Variants in CAMTA1 observed in about 807,000 individuals in gnomAD.
The protein encoded by CAMTA1 is calmodulin binding transcription activator 1.
Under a neutral mutation model 170.9 loss-of-function variants are expected in CAMTA1, and 27 were observed. The observed-to-expected ratio is 0.16, with a 90% CI of 0.12 to 0.22. The LOEUF is 0.22. Among genes scored for constraint, CAMTA1 ranks in the 10% least tolerant of loss-of-function variants. The probability of loss-of-function intolerance (pLI) is 1.00; values close to 1 mark genes in which losing one functional copy is unlikely to be tolerated. For synonymous variants in CAMTA1, 833 were observed against 891.5 expected (o/e 0.93, Z 1.17); for missense variants, 1,619 against 2,217.2 (o/e 0.73, Z 5.42).
At chr1:7,263,501 A>G (rs1432939301) in intron 5 of CAMTA1, among the ~76,000 whole-genome samples, 1 of 152,208 alleles carries the variant, frequency 6.6e-6, no homozygotes, top group Non-Finnish European at 1.5e-5. Context: ...TTGTTTTTAC[A>G]TGATTAAGGG....
rs543561308 is a variant in CAMTA1 at position 7,480,259 on chromosome 1, G to A, written c.510+12358G>A. The stretch of plus-strand genomic sequence containing the variant: ...CATGTGTCCGTGTGTGTGCATGTGT[G>A]TATGTGTGTGAGTGCATCTGTGTAT... On this transcript the variant is annotated intron_variant, in intron 6 of 22. Coordinates refer to ENST00000303635, the MANE Select transcript of CAMTA1 (RefSeq NM_015215.4). Among the ~76,000 whole-genome samples the A allele has an allele frequency of 2.0e-3, 267 of 135,458 alleles. 3 individuals carry two copies. The East Asian group carries it at 0.032, about 16-fold the overall frequency. 88.9% of individuals were successfully genotyped at this position (135,458 alleles called of 152,430 possible).
At chr1:7,697,653 G>C (rs1489300173) in intron 11 of CAMTA1, among the ~76,000 whole-genome samples, 1 of 152,230 alleles carries the variant, frequency 6.6e-6, no homozygotes, top group African/African-American at 2.4e-5. Context: ...GTGTCAGCCA[G>C]CAGGGAGAAT....
At chr1:7,556,267 G>A (rs1487017589) in intron 6 of CAMTA1, among the ~76,000 whole-genome samples, 2 of 152,142 alleles carry the variant, frequency 1.3e-5, no homozygotes, top group African/African-American at 2.4e-5. Flanking sequence ...GAGGTTGTGG[G>A]GTATGGGCTC....
intron 5 of CAMTA1, among the ~76,000 whole-genome samples, chr1:7,258,568 G>A (rs1018433787): frequency 6.6e-6 from 1 of 152,202 alleles, no homozygotes; most frequent in Non-Finnish European, 1.5e-5. Context: ...CAACCTGGAT[G>A]TTTGCAAGCA....
intron 3 of CAMTA1, among the ~76,000 whole-genome samples, chr1:6,985,056 G>T (rs1435793391): frequency 6.6e-6 from 1 of 152,208 alleles, no homozygotes; most frequent in Non-Finnish European, 1.5e-5. Context: ...TGACTGCCTG[G>T]CCAGATGCCT....
At chr1:6,851,974 A>G (rs1016235282) in intron 3 of CAMTA1, among the ~76,000 whole-genome samples, 16 of 151,818 alleles carry the variant, frequency 1.1e-4, no homozygotes, top group Admixed American at 9.2e-4. Context: ...AGATCCCACC[A>G]AAGTACTCCA....
intron 5 of CAMTA1, among the ~76,000 whole-genome samples, chr1:7,363,815 A>G (rs558028941): frequency 6.6e-6 from 1 of 152,276 alleles, no homozygotes; most frequent in East Asian, 1.9e-4. Flanking sequence ...TGTTTCTCCA[A>G]TAAGCATTTG....
intron 3 of CAMTA1, among the ~76,000 whole-genome samples, chr1:6,862,387 T>C (rs144137232): frequency 8.1e-4 from 124 of 152,380 alleles, no homozygotes; most frequent in African/African-American, 2.8e-3. Flanking sequence ...GAATTCGTTA[T>C]GTGCACACCA....
chr1:6,908,134 C>G (rs1457279231), intron 3 of CAMTA1, among the ~76,000 whole-genome samples: 3 of 152,224 alleles, frequency 2.0e-5, no homozygotes, highest in African/African-American at 4.8e-5. Flanking sequence ...TTGCTCGTCA[C>G]CCTTTATGAA....
chr1:7,265,088 ACTT>A (rs1011761959), intron 5 of CAMTA1, among the ~76,000 whole-genome samples: 13 of 152,044 alleles, frequency 8.6e-5, no homozygotes, highest in African/African-American at 3.1e-4. Flanking sequence ...CTGCTGCAGA[ACTT>A]CTCAGGCAGC....
Position 6,887,678 on chromosome 1 carries a change from G to C in CAMTA1, c.234+62468G>C. The C allele has an allele frequency of 2.0e-6, 3 of 1,535,224 alleles. No homozygotes were observed. Among genetic ancestry groups the C allele is most frequent in the Non-Finnish European group, 2.6e-6 (3 of 1,146,608 alleles). ...GGCTCTCACCACACACTTGTTCATG[G>C]GCGCAGCAAAGAAGAGGGATCCACA... is the stretch of plus-strand genomic sequence containing the variant. On this transcript the variant is annotated intron_variant, in intron 3 of 22. Coordinates refer to ENST00000303635, the MANE Select transcript of CAMTA1 (RefSeq NM_015215.4). This position sits in a 1 kb window ranked among gnomAD's most constrained non-coding sequence, Gnocchi z 4.1.
At chr1:6,949,402 A>T (rs949884723) in intron 3 of CAMTA1, among the ~76,000 whole-genome samples, 11 of 152,038 alleles carry the variant, frequency 7.2e-5, no homozygotes, top group African/African-American at 2.7e-4. Context: ...CATTCTATAG[A>T]CCCCGTGAAT....
At chr1:7,552,739 G>A (rs1575998440) in intron 6 of CAMTA1, among the ~76,000 whole-genome samples, 1 of 152,244 alleles carries the variant, frequency 6.6e-6, no homozygotes, top group African/African-American at 2.4e-5. Flanking sequence ...CCGCAATGGT[G>A]CACTGCAGCA....
At chr1:6,928,588 C>T (rs1311271843) in intron 3 of CAMTA1, among the ~76,000 whole-genome samples, 1 of 152,178 alleles carries the variant, frequency 6.6e-6, no homozygotes, top group East Asian at 1.9e-4. Flanking sequence ...CAGAGAGCCC[C>T]TTACTTGCAG....
At chr1:7,187,611 T>C (rs939119090) in intron 4 of CAMTA1, among the ~76,000 whole-genome samples, 1 of 152,202 alleles carries the variant, frequency 6.6e-6, no homozygotes, top group African/African-American at 2.4e-5. Flanking sequence ...AAAATGAATA[T>C]AATATTTTTA....
chr1:7,459,425 C>A (rs1214713641), intron 5 of CAMTA1, among the ~76,000 whole-genome samples: 1 of 152,196 alleles, frequency 6.6e-6, no homozygotes, highest in East Asian at 1.9e-4. Flanking sequence ...GGTCCTCCTC[C>A]TGTGCCTTGC....
intron 4 of CAMTA1, among the ~76,000 whole-genome samples, chr1:7,097,244 G>A (rs1642191404): frequency 6.6e-6 from 1 of 152,224 alleles, no homozygotes; most frequent in African/African-American, 2.4e-5. Context: ...AGGTCATGCT[G>A]TCCCTTTTAT....
intron 1 of CAMTA1, among the ~76,000 whole-genome samples, chr1:6,802,390 G>C (rs1643962236): frequency 6.6e-6 from 1 of 152,122 alleles, no homozygotes; most frequent in African/African-American, 2.4e-5. Flanking sequence ...CATAGGCCAG[G>C]TGATCATCTC....
chr1:6,882,627 G>A (rs1671930692), intron 3 of CAMTA1, among the ~76,000 whole-genome samples: 1 of 152,114 alleles, frequency 6.6e-6, no homozygotes, highest in Admixed American at 6.5e-5. Flanking sequence ...TGCACCTGTT[G>A]ACTGTAAGAT....
Sources: gnomAD v4.1 joint callset for allele counts (sites outside exome capture counted in the v4.1 genomes callset) on GRCh38, gnomAD v4.1.1 for gene constraint, Gnocchi (gnomAD v3.1) non-coding constraint, MANE v1.5 for transcripts, NCBI Gene and HGNC (gene_info 2026-07-23, HGNC 2026-07-21) for gene names.